UGGT2: variants seen among roughly 807,000 people sequenced by gnomAD.
UGGT2 encodes the protein UDP-glucose glycoprotein glucosyltransferase 2, also known as UDP-glucose:glycoprotein glucosyltransferase 2.
A neutral mutation model predicts 192.1 loss-of-function variants in UGGT2; 180 were observed. The observed-to-expected ratio is 0.94, with a 90% CI of 0.83 to 1.06. The LOEUF is 1.06. UGGT2 is among the 50% of genes least tolerant of loss of function. UGGT2 has a pLI of 0.00. For missense variants in UGGT2, 1,849 were observed against 1,795.7 expected (o/e 1.03, Z -0.54); for synonymous variants, 580 against 591.0 (o/e 0.98, Z 0.27).
Position 95,853,540 on chromosome 13 carries a change from T to C in UGGT2, c.4284+3A>G. 6.2e-7 allele frequency: 1 copy of C among 1,612,130 alleles called. No homozygotes were observed. The highest frequency in any genetic ancestry group is 8.5e-7 in the Non-Finnish European group (1 of 1,178,736). On this transcript the variant is annotated splice_donor_region_variant and intron_variant, in intron 36 of 38. Coordinates refer to ENST00000376747, the MANE Select transcript of UGGT2 (RefSeq NM_020121.4). ...AAAATTATTCTGTTAACATTTTACTTACCTGATCTAGGTTTGAAAGACTGT... is the reference window on the plus strand; with the variant it reads ...AAAATTATTCTGTTAACATTTTACTCACCTGATCTAGGTTTGAAAGACTGT...
At chr13:95,952,473 T>C (rs947075993) in intron 12 of UGGT2, among the ~76,000 whole-genome samples, 32 of 152,206 alleles carry the variant, frequency 2.1e-4, no homozygotes, top group African/African-American at 7.5e-4. Context: ...TTAAATCATC[T>C]CTAGATTACA....
At chr13:95,833,961 T>C (rs1193942275) in intron 37 of UGGT2, among the ~76,000 whole-genome samples, 1 of 152,192 alleles carries the variant, frequency 6.6e-6, no homozygotes, top group Non-Finnish European at 1.5e-5. Flanking sequence ...GGAAAGCTAT[T>C]AGTCATGAGC....
At chr13:95,823,949 AT>A (rs1281372637) in intron 38 of UGGT2, among the ~76,000 whole-genome samples, 1 of 151,974 alleles carries the variant, frequency 6.6e-6, no homozygotes, top group Non-Finnish European at 1.5e-5. Context: ...AGCATTTCCT[AT>A]AGTGCTGGTT....
chr13:95,967,859 T>C (rs775776760), intron 12 of UGGT2, among the ~76,000 whole-genome samples: 30 of 152,202 alleles, frequency 2.0e-4, no homozygotes, highest in Admixed American at 3.3e-4. Flanking sequence ...TATTATTTCA[T>C]AGTGGTTATT....
intron 25 of UGGT2, among the ~76,000 whole-genome samples, chr13:95,888,375 T>G (rs1202400452): frequency 1.3e-5 from 2 of 152,202 alleles, no homozygotes; most frequent in Non-Finnish European, 2.9e-5. Context: ...ATTTGGAAGT[T>G]CTTGGCTACC....
intron 12 of UGGT2, among the ~76,000 whole-genome samples, chr13:95,950,060 G>A (rs372856132): frequency 1.3e-5 from 2 of 151,990 alleles, no homozygotes; most frequent in Non-Finnish European, 2.9e-5. Flanking sequence ...CCCAGATTGC[G>A]TCCTGGAGAA....
At position 95,903,992 on chromosome 13, in the gene UGGT2, C is replaced by T. The variant is rs79534739; in HGVS notation, c.2296-932G>A. On this transcript the variant is annotated intron_variant, in intron 20 of 38. Transcript: ENST00000376747. ...AAACATCCTTTGATATGTTCTTTGG[C>T]TTCTTTTATGACTTGCCTGTTCAAT... is the stretch of plus-strand genomic sequence containing the variant. Among the ~76,000 whole-genome samples, 84 of 152,224 alleles carry T rather than the reference C, an allele frequency of 5.5e-4. 1 individual carries two copies. The East Asian group carries it at 0.015, about 27-fold the overall frequency.
At chr13:95,893,359 A>G (rs1484380561) in intron 24 of UGGT2, among the ~76,000 whole-genome samples, 1 of 152,188 alleles carries the variant, frequency 6.6e-6, no homozygotes, top group Non-Finnish European at 1.5e-5. Flanking sequence ...ACATGTATAC[A>G]CACACATCTC....
intron 17 of UGGT2, among the ~76,000 whole-genome samples, chr13:95,933,394 G>C (rs147364533): frequency 6.6e-6 from 1 of 152,096 alleles, no homozygotes; most frequent in African/African-American, 2.4e-5. Context: ...ATTTCTATGG[G>C]ATCAGTTGTA....
At chr13:95,836,960 A>G in intron 37 of UGGT2, 126 bp downstream of exon 37, 1 of 798,742 alleles carries the variant, frequency 1.3e-6, no homozygotes, top group Admixed American at 2.4e-5. Context: ...GTAAATGTGT[A>G]ATAGACTGAA....
chr13:95,854,579 G>C, intron 34 of UGGT2, 104 bp from the exon 35 acceptor site: 4 of 1,013,550 alleles, frequency 3.9e-6, no homozygotes, highest in Non-Finnish European at 5.5e-6. Context: ...AATCCAAAGA[G>C]CTGTATTGTC....
chr13:95,970,372 A>G, intron 11 of UGGT2, 110 bp from the exon 12 acceptor site: 1 of 947,548 alleles, frequency 1.1e-6, no homozygotes, highest in South Asian at 1.7e-5. Context: ...TGGTATCTTC[A>G]TTAATAGCAG....
chr13:95,862,669 C>T (rs1409074457), intron 31 of UGGT2, among the ~76,000 whole-genome samples: 2 of 152,090 alleles, frequency 1.3e-5, no homozygotes, highest in African/African-American at 2.4e-5. Context: ...TTTATTGGTA[C>T]TGTTTGGAAA....
intron 25 of UGGT2, among the ~76,000 whole-genome samples, 156 bp downstream of exon 25, chr13:95,890,706 C>T (rs555865907): frequency 6.6e-6 from 1 of 152,264 alleles, no homozygotes; most frequent in African/African-American, 2.4e-5. Context: ...ACACCCTGTG[C>T]ACAGCTCCAT....
At chr13:96,000,841 C>T (rs1236648647) in intron 5 of UGGT2, among the ~76,000 whole-genome samples, 1 of 149,560 alleles carries the variant, frequency 6.7e-6, no homozygotes, top group Non-Finnish European at 1.5e-5. Flanking sequence ...GATTTGCAAA[C>T]CAAACTACCA....
intron 14 of UGGT2, 119 bp from the exon 15 acceptor site, chr13:95,947,291 G>C (rs2049904414): frequency 3.7e-6 from 4 of 1,079,436 alleles, no homozygotes; most frequent in Non-Finnish European, 5.1e-6. Context: ...AATAGACAGA[G>C]AAAAGGAGAA....
intron 16 of UGGT2, among the ~76,000 whole-genome samples, chr13:95,938,274 G>T (rs1247868249): frequency 1.3e-5 from 2 of 152,206 alleles, no homozygotes; most frequent in African/African-American, 4.8e-5. Flanking sequence ...TACGGAGTTA[G>T]AGAGGGGTGT....
At chr13:96,052,417 A>G (rs962713355) in intron 1 of UGGT2, among the ~76,000 whole-genome samples, 1 of 152,148 alleles carries the variant, frequency 6.6e-6, no homozygotes, top group Non-Finnish European at 1.5e-5. Context: ...AATCACCACT[A>G]AAGAACTTAC....
intron 10 of UGGT2, among the ~76,000 whole-genome samples, chr13:95,981,582 T>C (rs1019294238): frequency 6.6e-6 from 1 of 152,122 alleles, no homozygotes; most frequent in Non-Finnish European, 1.5e-5. Context: ...ACCAGAGCAA[T>C]TGACCTGGTG....
Sources: allele counts gnomAD v4.1 joint callset (sites outside exome capture counted in the v4.1 genomes callset), GRCh38; gene constraint gnomAD v4.1.1; transcripts MANE v1.5; gene names NCBI Gene and HGNC (gene_info 2026-07-23, HGNC 2026-07-21).